The following TPD52 variants were observed in gnomAD, a reference collection of about 807,000 sequenced individuals.
TPD52 encodes the protein prostate and colon associated protein.
A neutral mutation model predicts 31.3 loss-of-function variants in TPD52; 17 were observed. The observed-to-expected ratio is 0.54, with a 90% CI of 0.37 to 0.82. TPD52 has a LOEUF of 0.82. Ranked by LOEUF, TPD52 falls within the 40% of genes least tolerant of loss-of-function variation. The pLI, the probability that TPD52 is intolerant of heterozygous loss-of-function variation, is 0.00. For synonymous variants in TPD52, 83 were observed against 89.6 expected (o/e 0.93, Z 0.42); for missense variants, 212 against 240.1 (o/e 0.88, Z 0.77).
rs768603425 is a variant in TPD52 at position 80,053,441 on chromosome 8, G to C, written c.136-11C>G. ...GATTTCTTCTTCTACCTATGAGGAA[G>C]GGGTTTGGGGTAAGAATATAGCAAA... On this transcript the variant is annotated splice_polypyrimidine_tract_variant and intron_variant, in intron 2 of 7. Coordinates refer to ENST00000518937, the MANE Select transcript of TPD52 (RefSeq NM_001025253.3). 18 of 1,611,854 alleles carry C rather than the reference G, an allele frequency of 1.1e-5. No homozygotes were observed. In the South Asian group the frequency reaches 1.4e-4, roughly 13 times the overall value.
At chr8:80,147,884 A>T (rs1190936749) in intron 1 of TPD52, among the ~76,000 whole-genome samples, 1 of 151,920 alleles carries the variant, frequency 6.6e-6, no homozygotes, top group African/African-American at 2.4e-5. Context: ...TTTATTTCCT[A>T]CTAACTTCAT....
chr8:80,050,316 A>G, intron 5 of TPD52, 129 bp downstream of exon 5: 1 of 797,720 alleles, frequency 1.3e-6, no homozygotes, highest in Non-Finnish European at 1.9e-6. Flanking sequence ...CTAGAGAAAA[A>G]GATACTCTAA....
At position 80,072,317 on chromosome 8, in the gene TPD52, A is replaced by ATATGTGTGTGTGTGTGTGTGTG. The variant is rs1554582865; in HGVS notation, c.20-7725_20-7724insCACACACACACACACACACATA. ...GAGAGACTCCATCTAAAAAACATAT[A>ATATGTGTGTGTGTGTGTGTGTG]TGTGTGTGTGTGTGTGTGTGTGTGT... is the stretch of plus-strand genomic sequence containing the variant. On this transcript the variant is annotated intron_variant, in intron 1 of 7. Coordinates refer to ENST00000518937, the MANE Select transcript of TPD52 (RefSeq NM_001025253.3). Among the ~76,000 whole-genome samples, 9 of 121,312 alleles carry ATATGTGTGTGTGTGTGTGTGTG rather than the reference A, an allele frequency of 7.4e-5. 1 individual carries two copies. Among genetic ancestry groups the ATATGTGTGTGTGTGTGTGTGTG allele is most frequent in the African/African-American group, 2.9e-4 (8 of 27,378 alleles). 79.6% of individuals were successfully genotyped at this position (121,312 alleles called of 152,430 possible).
intron 1 of TPD52, among the ~76,000 whole-genome samples, chr8:80,150,894 A>G (rs930972856): frequency 6.6e-6 from 1 of 152,128 alleles, no homozygotes; most frequent in African/African-American, 2.4e-5. Flanking sequence ...ATGAGTTAAG[A>G]CTTTGGGGGA....
chr8:80,070,053 C>T (rs1028086184), intron 1 of TPD52, among the ~76,000 whole-genome samples: 1 of 152,170 alleles, frequency 6.6e-6, no homozygotes, highest in Non-Finnish European at 1.5e-5. Flanking sequence ...TCTCTCTTTA[C>T]TTTCCCATGC....
Position 80,110,460 on chromosome 8 carries a change from G to A in TPD52, c.20-45867C>T, listed in dbSNP as rs76086792. Among the ~76,000 whole-genome samples the A allele has an allele frequency of 1.4e-3, 211 of 152,164 alleles. 4 individuals are homozygous for A. In the East Asian group the frequency reaches 0.035, roughly 25 times the overall value. On this transcript the variant is annotated intron_variant, in intron 1 of 7. Coordinates refer to ENST00000518937, the MANE Select transcript of TPD52 (RefSeq NM_001025253.3). Reference sequence around the variant, plus strand: ...ACAACCTAGCCATGATGGTGACAGAGAGTGGCACTTACGTCCAAGTTTATA... The same window carrying A: ...ACAACCTAGCCATGATGGTGACAGAAAGTGGCACTTACGTCCAAGTTTATA...
At chr8:80,089,121 T>A (rs1261257127) in intron 1 of TPD52, among the ~76,000 whole-genome samples, 1 of 152,152 alleles carries the variant, frequency 6.6e-6, no homozygotes, top group Non-Finnish European at 1.5e-5. Context: ...AACCACCTAT[T>A]CTATGGTATT....
chr8:80,081,816 GT>G (rs1815322042), intron 1 of TPD52, among the ~76,000 whole-genome samples: 1 of 149,940 alleles, frequency 6.7e-6, no homozygotes, highest in African/African-American at 2.5e-5. Flanking sequence ...TTTTTGTTTT[GT>G]TTTCGATACA....
At chr8:80,083,219 C>CA (rs1438514467) in intron 1 of TPD52, among the ~76,000 whole-genome samples, 1 of 151,176 alleles carries the variant, frequency 6.6e-6, no homozygotes, top group Non-Finnish European at 1.5e-5. Flanking sequence ...ATTTATGAGT[C>CA]ATACGGAGAG....
downstream of TPD52, among the ~76,000 whole-genome samples, chr8:80,032,152 C>CA (rs150988844): frequency 0.036 from 1,922 of 54,068 alleles, 68 homozygotes; most frequent in Non-Finnish European, 0.077. Flanking sequence ...GACTCCAGCT[C>CA]AAAAAAAAAA....
intron 1 of TPD52, among the ~76,000 whole-genome samples, chr8:80,164,203 GA>G (rs530010862): frequency 0.018 from 2,670 of 149,964 alleles, 81 homozygotes; most frequent in African/African-American, 0.06. Flanking sequence ...AAAACTGACA[GA>G]AAAAAAAATA....
intron 1 of TPD52, among the ~76,000 whole-genome samples, chr8:80,168,251 T>G (rs574892618): frequency 6.6e-6 from 1 of 152,186 alleles, no homozygotes; most frequent in African/African-American, 2.4e-5. Context: ...GAAAACTCAG[T>G]GTTTATTTTA....
chr8:80,087,257 T>C (rs1466592087), intron 1 of TPD52, among the ~76,000 whole-genome samples: 1 of 152,218 alleles, frequency 6.6e-6, no homozygotes, highest in Non-Finnish European at 1.5e-5. Context: ...CACCTAGGTC[T>C]TAAGCCCAGC....
At chr8:80,073,994 G>A (rs1814230962) in intron 1 of TPD52, among the ~76,000 whole-genome samples, 1 of 152,102 alleles carries the variant, frequency 6.6e-6, no homozygotes, top group African/African-American at 2.4e-5. Flanking sequence ...TCAACTAGGA[G>A]GGAAAAAGAT....
At chr8:80,110,923 C>T (rs891573154) in intron 1 of TPD52, among the ~76,000 whole-genome samples, 4 of 152,170 alleles carry the variant, frequency 2.6e-5, no homozygotes, top group South Asian at 4.1e-4. Flanking sequence ...CAAGCTGTTT[C>T]GGCTGGGTGT....
chr8:80,128,746 T>C (rs1563647035), intron 1 of TPD52, among the ~76,000 whole-genome samples: 1 of 151,958 alleles, frequency 6.6e-6, no homozygotes, highest in Non-Finnish European at 1.5e-5. Context: ...CTAATACTGG[T>C]AATATTAGAT....
chr8:80,060,474 A>C (rs1282679082), intron 2 of TPD52, among the ~76,000 whole-genome samples: 1 of 152,152 alleles, frequency 6.6e-6, no homozygotes, highest in Admixed American at 6.5e-5. Context: ...TCTTCTAAAA[A>C]ACCAGAAGAT....
intron 1 of TPD52, among the ~76,000 whole-genome samples, chr8:80,095,698 G>A (rs1478089802): frequency 1.0e-5 from 1 of 97,112 alleles, no homozygotes; most frequent in African/African-American, 4.2e-5. Context: ...TGTAATCCAA[G>A]CACTTGGGAG....
rs1275289119 is a variant in TPD52, at chr8:80,037,669, AT to A, written c.*446del. The A allele has an allele frequency of 9.8e-5, 15 of 152,846 alleles. No homozygotes were observed. Among genetic ancestry groups the A allele is most frequent in the African/African-American group, 3.6e-4 (15 of 41,602 alleles). 9.5% of individuals were successfully genotyped at this position (152,846 alleles called of 1,614,324 possible). A position where few individuals can be genotyped will look rare whatever the true frequency, so the allele number is the denominator to read the frequency against. On this transcript the variant is annotated 3_prime_UTR_variant, in exon 8 of 8. Coordinates refer to ENST00000518937, the MANE Select transcript of TPD52 (RefSeq NM_001025253.3). ...TAAAGAAAATACACCCAAACTTTTA[AT>A]TACCAGGATTCAGAATATTTAAGAG...
Sources: gnomAD v4.1 joint callset for allele counts (sites outside exome capture counted in the v4.1 genomes callset) on GRCh38, gnomAD v4.1.1 for gene constraint, MANE v1.5 for transcripts, NCBI Gene and HGNC (gene_info 2026-07-23, HGNC 2026-07-21) for gene names.